The following AGBL4 variants were observed in gnomAD, a reference collection of about 807,000 sequenced individuals.
AGBL4 encodes AGBL carboxypeptidase 4.
AGBL4 carries 58 observed loss-of-function variants against 66.4 expected under a neutral mutation model. The ratio of observed to expected loss-of-function variants is 0.87; its 90% CI spans 0.71 to 1.09. AGBL4 has a LOEUF of 1.09. Among genes scored for constraint, AGBL4 ranks in the 50% least tolerant of loss-of-function variants. The pLI, the probability that AGBL4 is intolerant of heterozygous loss-of-function variation, is 0.00. For missense variants in AGBL4, 579 were observed against 631.0 expected, an observed-to-expected ratio of 0.92 and a Z score of 0.88; for synonymous variants, 234 against 222.9, an observed-to-expected ratio of 1.05 and a Z score of -0.44.
intron 6 of AGBL4, among the ~76,000 whole-genome samples, chr1:48,853,948 C>G (rs1019366555): frequency 4.6e-5 from 7 of 152,146 alleles, no homozygotes; most frequent in African/African-American, 1.7e-4. Context: ...GAGCTCTTAT[C>G]TCCTCTCAAA....
At chr1:48,592,198 C>G (rs1644928943) in intron 9 of AGBL4, among the ~76,000 whole-genome samples, 1 of 152,166 alleles carries the variant, frequency 6.6e-6, no homozygotes, top group South Asian at 2.1e-4. Flanking sequence ...CCCCCTTGCA[C>G]AATTAACTTA....
At chr1:49,154,792 T>A (rs771384199) in intron 4 of AGBL4, among the ~76,000 whole-genome samples, 11 of 152,194 alleles carry the variant, frequency 7.2e-5, no homozygotes, top group Non-Finnish European at 1.2e-4. Flanking sequence ...AGAAAAACCA[T>A]GAGGATTGAA....
At chr1:49,834,205 T>C (rs1645781957) in intron 2 of AGBL4, among the ~76,000 whole-genome samples, 1 of 152,156 alleles carries the variant, frequency 6.6e-6, no homozygotes, top group South Asian at 2.1e-4. Flanking sequence ...AGTGAATCTG[T>C]CTGTTCCTAG....
At chr1:49,193,418 ATT>A in intron 4 of AGBL4, among the ~76,000 whole-genome samples, 1 of 151,136 alleles carries the variant, frequency 6.6e-6, no homozygotes, top group East Asian at 2.0e-4. Flanking sequence ...TCATTTCAAA[ATT>A]TTTTTTTAAT....
chr1:48,603,094 C>T (rs937204745), intron 9 of AGBL4, among the ~76,000 whole-genome samples: 9 of 152,166 alleles, frequency 5.9e-5, no homozygotes, highest in African/African-American at 9.7e-5. Flanking sequence ...AGGAAAGGAC[C>T]CTCCAGTGGA....
At chr1:49,156,374 A>G (rs1434721652) in intron 4 of AGBL4, among the ~76,000 whole-genome samples, 1 of 152,192 alleles carries the variant, frequency 6.6e-6, no homozygotes, top group East Asian at 1.9e-4. Context: ...TGTTGTATAC[A>G]ACTTACTCCA....
At chr1:49,277,629 T>G (rs551262573) in intron 3 of AGBL4, among the ~76,000 whole-genome samples, 1 of 152,170 alleles carries the variant, frequency 6.6e-6, no homozygotes, top group African/African-American at 2.4e-5. Context: ...CTTCTTAGGT[T>G]TTTTTCAGCT....
chr1:48,915,450 A>T (rs1653503700), intron 5 of AGBL4, among the ~76,000 whole-genome samples: 1 of 152,114 alleles, frequency 6.6e-6, no homozygotes, highest in South Asian at 2.1e-4. Context: ...ACAGAAAAGT[A>T]TTTTCCTATT....
chr1:48,557,561 G>A (rs943355863), intron 11 of AGBL4, among the ~76,000 whole-genome samples: 1 of 152,170 alleles, frequency 6.6e-6, no homozygotes, highest in African/African-American at 2.4e-5. Context: ...AGGAAGCCAG[G>A]GATGTGACTC....
chr1:49,356,040 T>C (rs938898579), intron 3 of AGBL4, among the ~76,000 whole-genome samples: 1 of 152,160 alleles, frequency 6.6e-6, no homozygotes, highest in Non-Finnish European at 1.5e-5. Flanking sequence ...CTGGGTATGC[T>C]TCCTACATCT....
chr1:49,055,845 G>A (rs555981594), intron 4 of AGBL4, among the ~76,000 whole-genome samples: 59 of 151,900 alleles, frequency 3.9e-4, no homozygotes, highest in African/African-American at 1.3e-3. Context: ...CTCTACTAAC[G>A]TAATAAAATC....
chr1:49,121,092 AATTAGCC>A (rs1464298793), intron 4 of AGBL4, among the ~76,000 whole-genome samples: 18 of 152,066 alleles, frequency 1.2e-4, no homozygotes, highest in Middle Eastern at 3.2e-3. Flanking sequence ...TGTTTATTCT[AATTAGCC>A]ATTTGCCTAA....
At chr1:49,738,078 G>A (rs567746140) in intron 2 of AGBL4, among the ~76,000 whole-genome samples, 11 of 152,328 alleles carry the variant, frequency 7.2e-5, no homozygotes, top group East Asian at 1.9e-4. Flanking sequence ...TGGGTGCAGC[G>A]CACCAAGTAT....
chr1:49,301,368 T>C (rs1644741987), intron 3 of AGBL4, among the ~76,000 whole-genome samples: 1 of 152,220 alleles, frequency 6.6e-6, no homozygotes, highest in Non-Finnish European at 1.5e-5. Flanking sequence ...ACAAGCTAAC[T>C]GTCTTTGCTA....
At chr1:50,011,555 C>T (rs1225956278) in intron 1 of AGBL4, among the ~76,000 whole-genome samples, 1 of 152,166 alleles carries the variant, frequency 6.6e-6, no homozygotes. Context: ...GAAAGGAAAT[C>T]AGTATATTGA....
At chr1:49,613,468 A>G (rs1645193167) in intron 3 of AGBL4, among the ~76,000 whole-genome samples, 2 of 152,188 alleles carry the variant, frequency 1.3e-5, no homozygotes, top group Admixed American at 1.3e-4. Context: ...CAGGCAAGCG[A>G]GTGAAGCTTC....
intron 9 of AGBL4, among the ~76,000 whole-genome samples, chr1:48,621,988 T>C (rs1416156867): frequency 2.0e-5 from 3 of 152,082 alleles, no homozygotes; most frequent in Non-Finnish European, 2.9e-5. Context: ...TCTGTGTCTT[T>C]CTACTCCCTG....
chr1:49,328,597 A>T (rs1290236939), intron 3 of AGBL4, among the ~76,000 whole-genome samples: 1 of 152,344 alleles, frequency 6.6e-6, no homozygotes, highest in East Asian at 1.9e-4. Flanking sequence ...ACTAGCAATC[A>T]GAGTTGTAGC....
intron 3 of AGBL4, among the ~76,000 whole-genome samples, chr1:49,282,767 C>A (rs1205163661): frequency 3.3e-5 from 5 of 152,148 alleles, no homozygotes; most frequent in Non-Finnish European, 2.9e-5. Context: ...GACAGACGCA[C>A]CTGGAAAATC....
Sources: allele counts gnomAD v4.1 joint callset (sites outside exome capture counted in the v4.1 genomes callset), GRCh38; gene constraint gnomAD v4.1.1; transcripts MANE v1.5; gene names NCBI Gene and HGNC (gene_info 2026-07-23, HGNC 2026-07-21).